Variants in SLC30A7 observed in about 807,000 individuals in gnomAD.
SLC30A7 encodes the protein solute carrier family 30 member 7, also known as zinc transporter 7.
A neutral mutation model predicts 46.0 loss-of-function variants in SLC30A7; 35 were observed. The ratio of observed to expected loss-of-function variants is 0.76; its 90% CI spans 0.58 to 1.01. The LOEUF (loss-of-function observed/expected upper bound fraction) is 1.01, where lower values mean the gene tolerates loss of function less well. SLC30A7 is among the 50% of genes least tolerant of loss of function. The probability of loss-of-function intolerance (pLI) is 0.00; values close to 1 mark genes in which losing one functional copy is unlikely to be tolerated. For missense variants in SLC30A7, 464 were observed against 451.1 expected (o/e 1.03, Z -0.26); for synonymous variants, 147 against 157.8 (o/e 0.93, Z 0.51).
intron 2 of SLC30A7, among the ~76,000 whole-genome samples, chr1:100,903,256 T>C (rs1651422150): frequency 6.6e-6 from 1 of 152,130 alleles, no homozygotes; most frequent in African/African-American, 2.4e-5. Flanking sequence ...TTTAACAGTA[T>C]TTTGCCATAT....
chr1:100,991,567 C>T, the SLC30A7 span, among the ~76,000 whole-genome samples: 14 of 152,050 alleles, frequency 9.2e-5, no homozygotes, highest in Admixed American at 3.9e-4. Flanking sequence ...GCAGGCGGAT[C>T]GCTTGAGCTC....
At chr1:100,990,760 T>C in the SLC30A7 span, 1 of 809,794 alleles carries the variant, frequency 1.2e-6, no homozygotes, top group South Asian at 1.8e-5. Flanking sequence ...TTGCCACTTA[T>C]GGACCAGTTA....
chr1:100,989,169 G>A, the SLC30A7 span, among the ~76,000 whole-genome samples: 2 of 152,174 alleles, frequency 1.3e-5, no homozygotes, highest in Non-Finnish European at 2.9e-5. Context: ...TAAGAAGAGT[G>A]TGACTACTCG....
rs1656818943 is a variant in SLC30A7, at chr1:100,979,841, T to A, written c.*4984T>A. 1 of 152,164 alleles carries A rather than the reference T, an allele frequency of 6.6e-6. No individual in the cohort carries two copies. Among genetic ancestry groups the A allele is most frequent in the African/African-American group, 2.4e-5 (1 of 41,448 alleles). 9.4% of individuals were successfully genotyped at this position (152,164 alleles called of 1,614,324 possible). A position where few individuals can be genotyped will look rare whatever the true frequency, so the allele number is the denominator to read the frequency against. ...AGTACTGATTAATCAGGTGCTGACA[T>A]CTGCTCTGCTTTGTGTATGTAATTC... On this transcript the variant is annotated 3_prime_UTR_variant, in exon 11 of 11. Transcript: ENST00000357650.
chr1:100,950,993 G>A (rs1036021007), intron 8 of SLC30A7, among the ~76,000 whole-genome samples: 36 of 152,274 alleles, frequency 2.4e-4, no homozygotes, highest in Non-Finnish European at 1.0e-4. Flanking sequence ...TGAGTAACTC[G>A]GGGAGCCAGC....
intron 8 of SLC30A7, among the ~76,000 whole-genome samples, chr1:100,925,765 G>T (rs1288317535): frequency 6.6e-6 from 1 of 152,158 alleles, no homozygotes; most frequent in East Asian, 1.9e-4. Flanking sequence ...TTGGATATAA[G>T]TTTGAGATCT....
chr1:100,927,328 G>A (rs1238149631), intron 8 of SLC30A7, among the ~76,000 whole-genome samples: 2 of 152,180 alleles, frequency 1.3e-5, no homozygotes, highest in Non-Finnish European at 2.9e-5. Flanking sequence ...AGCGAGGTGG[G>A]AAGAAAGATA....
intron 8 of SLC30A7, chr1:100,941,296 A>G (rs1654334823): frequency 5.2e-6 from 2 of 382,250 alleles, no homozygotes; most frequent in Admixed American, 3.4e-5. Flanking sequence ...CAAAGCCACC[A>G]TGACCACTAA....
Position 100,931,824 on chromosome 1 carries a change from G to A in SLC30A7, c.842+9983G>A, listed in dbSNP as rs1406791525. 2.0e-5 allele frequency among the ~76,000 whole-genome samples: 3 copies of A among 152,150 alleles called. No homozygotes were observed. In the South Asian group the frequency reaches 6.2e-4, roughly 32 times the overall value. ...AGGAATTCATTGTTGAAATGTATTT[G>A]GTTTCTTTTAAACATCAAACATACT... On this transcript the variant is annotated intron_variant, in intron 8 of 10. Coordinates refer to ENST00000357650, the MANE Select transcript of SLC30A7 (RefSeq NM_133496.5).
intron 8 of SLC30A7, among the ~76,000 whole-genome samples, chr1:100,954,074 C>T (rs2101074857): frequency 6.6e-6 from 1 of 152,262 alleles, no homozygotes; most frequent in East Asian, 1.9e-4. Flanking sequence ...AGTAATCTGC[C>T]ATTTGGAATT....
intron 5 of SLC30A7, among the ~76,000 whole-genome samples, 175 bp downstream of exon 5, chr1:100,912,413 G>C (rs773130963): frequency 1.3e-5 from 2 of 152,044 alleles, no homozygotes; most frequent in Non-Finnish European, 2.9e-5. Context: ...TGCCTTCTCA[G>C]AGCTGTGCTT....
Position 100,921,774 on chromosome 1 carries a change from C to A in SLC30A7, c.775C>A (p.Gln259Lys), listed in dbSNP as rs1458370369. 8 of 1,612,874 alleles carry A rather than the reference C, an allele frequency of 5.0e-6. No homozygotes were observed. The highest frequency in any genetic ancestry group is 6.8e-6 in the Non-Finnish European group (8 of 1,179,348). The change falls in exon 8 of 11, where the codon CAA (glutamine) becomes AAA (lysine). Residue 259 changes from glutamine to lysine, a missense_variant. Physicochemically the swap from Gln to Lys is moderately conservative, Grantham distance 53. Transcript: ENST00000357650. ...TGTAATTGCTTCTGCCATCATGATG[C>A]AAAATTTTGGTCTGATGATAGCAGA... ...IGVIASAIMM[Q>K]NFGLMIADPI...
At chr1:100,907,743 A>G (rs1480093561) in intron 3 of SLC30A7, among the ~76,000 whole-genome samples, 1 of 146,374 alleles carries the variant, frequency 6.8e-6, no homozygotes, top group Non-Finnish European at 1.5e-5. Flanking sequence ...GTGCTCTTTT[A>G]CATTCTCTTC....
intron 5 of SLC30A7, among the ~76,000 whole-genome samples, chr1:100,912,890 A>AG (rs1652213058): frequency 6.6e-6 from 1 of 150,984 alleles, no homozygotes; most frequent in African/African-American, 2.4e-5. Flanking sequence ...AAAAAAAAAA[A>AG]GTGTGTGTGT....
intron 8 of SLC30A7, among the ~76,000 whole-genome samples, chr1:100,945,631 G>C (rs1445308246): frequency 6.6e-6 from 1 of 152,100 alleles, no homozygotes; most frequent in African/African-American, 2.4e-5. Flanking sequence ...CCTCTGTTCT[G>C]TTCCATTGGT....
intron 2 of SLC30A7, 122 bp from the exon 3 acceptor site, chr1:100,906,730 T>C: frequency 1.5e-6 from 1 of 658,180 alleles, no homozygotes; most frequent in Non-Finnish European, 2.7e-6. Flanking sequence ...ATATAGCATA[T>C]TTAAATTGTT....
chr1:100,932,856 C>G (rs1653736715), intron 8 of SLC30A7, among the ~76,000 whole-genome samples: 1 of 152,136 alleles, frequency 6.6e-6, no homozygotes, highest in African/African-American at 2.4e-5. Context: ...TTGTTGATGT[C>G]TTACCTCTGT....
intron 8 of SLC30A7, among the ~76,000 whole-genome samples, chr1:100,927,227 C>G (rs890481806): frequency 2.0e-5 from 3 of 151,874 alleles, no homozygotes; most frequent in Non-Finnish European, 2.9e-5. Context: ...ATTCTGAGAC[C>G]GAGTATTGAT....
intron 8 of SLC30A7, among the ~76,000 whole-genome samples, chr1:100,935,511 A>T (rs552211810): frequency 2.6e-5 from 4 of 152,332 alleles, no homozygotes; most frequent in African/African-American, 9.6e-5. Flanking sequence ...AGACTTGGTG[A>T]CTAACTTATT....
Sources: allele counts gnomAD v4.1 joint callset (sites outside exome capture counted in the v4.1 genomes callset), GRCh38; gene constraint gnomAD v4.1.1; transcripts MANE v1.5; gene names NCBI Gene and HGNC (gene_info 2026-07-23, HGNC 2026-07-21).